PTPRD: variants seen among roughly 807,000 people sequenced by gnomAD.
The protein encoded by PTPRD is receptor-type tyrosine-protein phosphatase delta.
Under a neutral mutation model 214.5 loss-of-function variants are expected in PTPRD, and 34 were observed. The observed-to-expected ratio is 0.16, with a 90% confidence interval of 0.12 to 0.21. PTPRD has a LOEUF of 0.21. Ranked by LOEUF, PTPRD falls within the 10% of genes least tolerant of loss-of-function variation. The pLI is 1.00. For synonymous variants in PTPRD, 1,128 were observed against 845.7 expected (o/e 1.33, Z -5.79); for missense variants, 2,545 against 2,398.7 (o/e 1.06, Z -1.27).
At chr9:10,401,042 G>A (rs539323162) in intron 2 of PTPRD, among the ~76,000 whole-genome samples, 38 of 151,414 alleles carry the variant, frequency 2.5e-4, no homozygotes, top group Middle Eastern at 3.4e-3. Flanking sequence ...GTTCTCATAG[G>A]CCTAGATGTT....
chr9:9,259,867 G>C (rs956379005), intron 9 of PTPRD, among the ~76,000 whole-genome samples: 2 of 151,870 alleles, frequency 1.3e-5, no homozygotes, highest in Non-Finnish European at 2.9e-5. Context: ...AGATTCCTGA[G>C]CATCTAGGGA....
At chr9:8,743,885 A>T (rs1029676844) in intron 11 of PTPRD, among the ~76,000 whole-genome samples, 1 of 151,610 alleles carries the variant, frequency 6.6e-6, no homozygotes, top group Non-Finnish European at 1.5e-5. Context: ...CAAAATCCAT[A>T]CATCGACATA....
intron 11 of PTPRD, among the ~76,000 whole-genome samples, chr9:8,888,949 C>T (rs1272362153): frequency 1.3e-5 from 2 of 152,144 alleles, no homozygotes; most frequent in African/African-American, 2.4e-5. Context: ...CAGTAATATC[C>T]TTTCCTTATA....
At chr9:10,007,697 G>A (rs2096514112) in intron 4 of PTPRD, among the ~76,000 whole-genome samples, 1 of 151,948 alleles carries the variant, frequency 6.6e-6, no homozygotes, top group African/African-American at 2.4e-5. Context: ...CCATGCACAT[G>A]AGGAATGTTT....
chr9:9,791,876 T>G (rs1207228643), intron 5 of PTPRD, among the ~76,000 whole-genome samples: 1 of 152,188 alleles, frequency 6.6e-6, no homozygotes, highest in African/African-American at 2.4e-5. Context: ...TGTAAGAATT[T>G]TCTTATGCTT....
chr9:10,367,036 T>C (rs1277505415), intron 2 of PTPRD, among the ~76,000 whole-genome samples: 4 of 150,220 alleles, frequency 2.7e-5, no homozygotes, highest in Non-Finnish European at 5.9e-5. Flanking sequence ...CTTTTCTGTA[T>C]ACATAGTTTA....
intron 3 of PTPRD, among the ~76,000 whole-genome samples, chr9:10,072,053 A>C (rs1046285271): frequency 3.9e-5 from 6 of 151,978 alleles, no homozygotes; most frequent in African/African-American, 1.4e-4. Flanking sequence ...TCTGTAAAAG[A>C]GAAGAAAAAG....
intron 14 of PTPRD, among the ~76,000 whole-genome samples, chr9:8,605,546 T>C (rs1318987235): frequency 6.6e-6 from 1 of 152,216 alleles, no homozygotes; most frequent in East Asian, 1.9e-4. Flanking sequence ...GGGTTTACTC[T>C]AGATGGGCTA....
At chr9:10,503,150 G>A (rs183656489) in intron 2 of PTPRD, among the ~76,000 whole-genome samples, 92 of 126,448 alleles carry the variant, frequency 7.3e-4, no homozygotes, top group African/African-American at 2.6e-3. Flanking sequence ...ATGGTTATCT[G>A]GAGAGTGAAC....
intron 4 of PTPRD, among the ~76,000 whole-genome samples, chr9:9,949,203 A>C (rs1230287680): frequency 6.6e-6 from 1 of 152,032 alleles, no homozygotes; most frequent in Non-Finnish European, 1.5e-5. Context: ...AATGTTTATG[A>C]GTTTCTCATT....
intron 12 of PTPRD, among the ~76,000 whole-genome samples, chr9:8,664,102 T>C (rs1429187472): frequency 6.6e-6 from 1 of 152,154 alleles, no homozygotes; most frequent in Non-Finnish European, 1.5e-5. Context: ...GACTGAACAC[T>C]ACAACACAGT....
intron 5 of PTPRD, among the ~76,000 whole-genome samples, chr9:9,907,443 C>CCT (rs1467143102): frequency 2.0e-5 from 3 of 151,758 alleles, no homozygotes; most frequent in Middle Eastern, 3.2e-3. Context: ...TCTCATGAGG[C>CCT]CTCCCTTTCT....
chr9:8,399,372 A>G (rs1164896170), intron 36 of PTPRD, among the ~76,000 whole-genome samples: 2 of 152,138 alleles, frequency 1.3e-5, no homozygotes, highest in Non-Finnish European at 2.9e-5. Flanking sequence ...TAAGTGCTCT[A>G]TGTTTTCAAG....
At chr9:8,601,073 T>A (rs2094829206) in intron 14 of PTPRD, among the ~76,000 whole-genome samples, 1 of 151,956 alleles carries the variant, frequency 6.6e-6, no homozygotes, top group Non-Finnish European at 1.5e-5. Flanking sequence ...CTGAAGAGCT[T>A]TTAGGCCTTA....
At chr9:10,548,341 G>T (rs1339207132) in intron 2 of PTPRD, among the ~76,000 whole-genome samples, 1 of 151,996 alleles carries the variant, frequency 6.6e-6, no homozygotes, top group Non-Finnish European at 1.5e-5. Context: ...TACACAGAAG[G>T]AGATACTCTC....
At chr9:8,965,381 G>GTA (rs2099187424) in intron 11 of PTPRD, among the ~76,000 whole-genome samples, 1 of 126,908 alleles carries the variant, frequency 7.9e-6, no homozygotes, top group African/African-American at 2.9e-5. Context: ...CTCTGCTTCA[G>GTA]AAAAAAAAAA....
intron 30 of PTPRD, among the ~76,000 whole-genome samples, chr9:8,474,854 C>T (rs944382287): frequency 6.6e-6 from 1 of 152,068 alleles, no homozygotes; most frequent in Non-Finnish European, 1.5e-5. Context: ...AAGGGCTGGC[C>T]CTACTTTTGA....
chr9:8,664,305 C>T (rs2097127764), intron 12 of PTPRD, among the ~76,000 whole-genome samples: 1 of 152,162 alleles, frequency 6.6e-6, no homozygotes, highest in South Asian at 2.1e-4. Flanking sequence ...TCTATCAACT[C>T]TTCTGAATCA....
At chr9:9,401,641 T>A (rs1161179514) in intron 8 of PTPRD, among the ~76,000 whole-genome samples, 2 of 151,582 alleles carry the variant, frequency 1.3e-5, no homozygotes, top group African/African-American at 4.9e-5. Context: ...TAACTCTTCC[T>A]CCAGTCATTG....
Sources: gnomAD v4.1 joint callset for allele counts (sites outside exome capture counted in the v4.1 genomes callset) on GRCh38, gnomAD v4.1.1 for gene constraint, MANE v1.5 for transcripts, NCBI Gene and HGNC (gene_info 2026-07-23, HGNC 2026-07-21) for gene names.